Variants in MGA observed in about 807,000 individuals in gnomAD.
MGA encodes MAX gene-associated protein.
A neutral mutation model predicts 261.1 loss-of-function variants in MGA; 40 were observed. The observed-to-expected ratio is 0.15, with a 90% CI of 0.12 to 0.20. The LOEUF (loss-of-function observed/expected upper bound fraction) is 0.20, where lower values mean the gene tolerates loss of function less well. Among genes scored for constraint, MGA ranks in the 10% least tolerant of loss-of-function variants. MGA has a pLI of 1.00. For synonymous variants in MGA, 1,302 were observed against 1,290.6 expected (o/e 1.01, Z -0.19); for missense variants, 3,397 against 3,630.5 (o/e 0.94, Z 1.65).
chr15:41,742,445 A>T, intron 14 of MGA, 101 bp from the exon 15 acceptor site: 1 of 1,383,324 alleles, frequency 7.2e-7, no homozygotes, highest in Non-Finnish European at 9.8e-7. Flanking sequence ...TACCTGTAAG[A>T]AATTGACCCA....
chr15:41,657,515 G>T (rs1379904736), upstream of MGA, among the ~76,000 whole-genome samples: 1 of 151,788 alleles, frequency 6.6e-6, no homozygotes, highest in African/African-American at 2.4e-5. Context: ...CACCATGCCC[G>T]GCTAATTTTT....
chr15:41,669,917 A>C lies in MGA; in HGVS notation c.1023A>C (p.Ala341=). Residue 341 remains alanine, a synonymous_variant, in exon 2 of 24, where the codon GCA becomes GCC. Coordinates refer to ENST00000219905, the MANE Select transcript of MGA (RefSeq NM_001164273.2). ...TTGGTTTCATGGATACTGATTCAGCACTTAGTGAAGTTCCTCAATTGAAGC... is the reference window on the plus strand; with the variant it reads ...TTGGTTTCATGGATACTGATTCAGCCCTTAGTGAAGTTCCTCAATTGAAGC... 6.2e-7 allele frequency: 1 copy of C among 1,613,892 alleles called. No homozygotes were observed. Among genetic ancestry groups the C allele is most frequent in the Non-Finnish European group, 8.5e-7 (1 of 1,179,826 alleles).
At chr15:41,633,506 T>C (rs910268542) in intron 1 of MGA, among the ~76,000 whole-genome samples, 30 of 151,932 alleles carry the variant, frequency 2.0e-4, no homozygotes, top group African/African-American at 7.0e-4. Context: ...GTAACTGTGA[T>C]GTTACAGAAA....
intron 2 of MGA, among the ~76,000 whole-genome samples, chr15:41,677,515 G>T: frequency 6.6e-6 from 1 of 152,034 alleles, no homozygotes; most frequent in Middle Eastern, 3.2e-3. Context: ...ATTTTTTGAG[G>T]AACCGCAATA....
chr15:41,628,739 G>A (rs781755861), intron 1 of MGA, among the ~76,000 whole-genome samples: 67 of 152,160 alleles, frequency 4.4e-4, no homozygotes, highest in Middle Eastern at 3.2e-3. Flanking sequence ...TGCAGGCCAT[G>A]AGGTTTTTGG....
intron 1 of MGA, among the ~76,000 whole-genome samples, chr15:41,629,010 C>G (rs931057872): frequency 2.0e-5 from 3 of 148,076 alleles, no homozygotes; most frequent in African/African-American, 7.5e-5. Context: ...GCCATGGTGG[C>G]GGGCGCCTGT....
intron 13 of MGA, 89 bp from the exon 14 acceptor site, chr15:41,739,817 A>G: frequency 7.7e-7 from 1 of 1,303,342 alleles, no homozygotes; most frequent in Non-Finnish European, 1.0e-6. Flanking sequence ...AGACTTATGA[A>G]AACTTGTAAA....
upstream of MGA, among the ~76,000 whole-genome samples, chr15:41,656,862 G>T (rs565895135): frequency 1.3e-5 from 2 of 151,984 alleles, no homozygotes; most frequent in Admixed American, 6.6e-5. Flanking sequence ...CTGTAGCCTC[G>T]ACCTCCTGTG....
At chr15:41,714,940 C>T (rs1175664496) in intron 9 of MGA, among the ~76,000 whole-genome samples, 2 of 151,852 alleles carry the variant, frequency 1.3e-5, no homozygotes, top group East Asian at 3.9e-4. Flanking sequence ...TGTAAATTGC[C>T]TTTTTGAATT....
chr15:41,669,464 G>A lies in MGA; in HGVS notation c.570G>A (p.Gly190=). Residue 190 remains glycine, a synonymous_variant, in exon 2 of 24, where the codon GGG becomes GGA. Transcript: ENST00000219905. ...CCAACAATACACTGGACCAAGAAGGGCATATCATCTTGCACTCTATGCATC... is the reference window on the plus strand; with the variant it reads ...CCAACAATACACTGGACCAAGAAGGACATATCATCTTGCACTCTATGCATC... The A allele has an allele frequency of 6.2e-7, 1 of 1,613,884 alleles. No individual in the cohort carries two copies. Among genetic ancestry groups the A allele is most frequent in the Non-Finnish European group, 8.5e-7 (1 of 1,179,860 alleles).
intron 2 of MGA, among the ~76,000 whole-genome samples, chr15:41,681,357 C>A (rs948650049): frequency 1.3e-5 from 2 of 150,066 alleles, no homozygotes; most frequent in African/African-American, 4.9e-5. Flanking sequence ...AATATATGGG[C>A]CGTTTAGTTG....
chr15:41,717,430 C>A (rs1050003244), intron 9 of MGA, among the ~76,000 whole-genome samples: 3 of 152,076 alleles, frequency 2.0e-5, no homozygotes, highest in Non-Finnish European at 2.9e-5. Context: ...ATACTAATTA[C>A]CATTATTAGG....
intron 1 of MGA, among the ~76,000 whole-genome samples, chr15:41,646,909 A>C (rs1190162090): frequency 6.6e-6 from 1 of 152,156 alleles, no homozygotes; most frequent in Non-Finnish European, 1.5e-5. Flanking sequence ...CAGAAAAGTT[A>C]GAGAAATATT....
intron 5 of MGA, 86 bp from the exon 6 acceptor site, chr15:41,707,642 C>T (rs2060190511): frequency 7.7e-7 from 1 of 1,305,614 alleles, no homozygotes. Context: ...CCCCCGCCAT[C>T]TCCCAGGCAC....
Position 41,703,578 on chromosome 15 carries a change from A to G in MGA, c.2189-4150A>G, listed in dbSNP as rs566978715. Among the ~76,000 whole-genome samples the G allele has an allele frequency of 2.6e-5, 4 of 152,176 alleles. No individual in the cohort carries two copies. In the South Asian group the frequency reaches 8.3e-4, roughly 32 times the overall value. ...TTCACTTAGATGAAACTCCATCTCT[A>G]CTAAAAATACAAAATTTACTGGGTG... is the stretch of plus-strand genomic sequence containing the variant. On this transcript the variant is annotated intron_variant, in intron 5 of 23. Coordinates refer to ENST00000219905, the MANE Select transcript of MGA (RefSeq NM_001164273.2).
chr15:41,672,892 T>A (rs1000886089), intron 2 of MGA, among the ~76,000 whole-genome samples: 7 of 129,508 alleles, frequency 5.4e-5, no homozygotes, highest in African/African-American at 8.1e-5. Context: ...ACACACACAC[T>A]ATTTTCCCAT....
rs373461989 is a variant in MGA, at chr15:41,748,940, T to G, written c.5503+13T>G. 1 of 1,609,200 alleles carries G rather than the reference T, an allele frequency of 6.2e-7. No homozygotes were observed. Among genetic ancestry groups the G allele is most frequent in the Non-Finnish European group, 8.5e-7 (1 of 1,178,058 alleles). ...TTTCGGAACCCAGGTATAAAGTTCT[T>G]TTTTATGAACTTTTCTTTTGTTGAA... On this transcript the variant is annotated intron_variant, in intron 16 of 23. Coordinates refer to ENST00000219905, the MANE Select transcript of MGA (RefSeq NM_001164273.2).
Position 41,699,076 on chromosome 15 carries a change from G to T in MGA, c.2105G>T (p.Arg702Ile). ...ATTTTGGGTGTAGGTTACAGAGCAAGAATTTCCCAGTTGGAAAAGGAATTG... is the reference window on the plus strand; with the variant it reads ...ATTTTGGGTGTAGGTTACAGAGCAATAATTTCCCAGTTGGAAAAGGAATTG... Residue 702 changes from arginine (R) to isoleucine (I), a missense_variant, in exon 5 of 24, where the codon AGA becomes ATA. By Grantham distance (97) the Arg-to-Ile change is moderately conservative. Transcript: ENST00000219905. 6.2e-7 allele frequency: 1 copy of T among 1,611,218 alleles called. No homozygotes were observed. The highest frequency in any genetic ancestry group is 1.1e-5 in the South Asian group (1 of 90,344).
At chr15:41,670,724 T>G (rs1036742302) in intron 2 of MGA, among the ~76,000 whole-genome samples, 1 of 151,998 alleles carries the variant, frequency 6.6e-6, no homozygotes, top group Non-Finnish European at 1.5e-5. Context: ...GCCAGGATGG[T>G]CTCGATCTCC....
Sources: gnomAD v4.1 joint callset for allele counts (sites outside exome capture counted in the v4.1 genomes callset) on GRCh38, gnomAD v4.1.1 for gene constraint, MANE v1.5 for transcripts, NCBI Gene and HGNC (gene_info 2026-07-23, HGNC 2026-07-21) for gene names.